The following RANBP17 variants were observed in gnomAD, a reference collection of about 807,000 sequenced individuals.
RANBP17 encodes ran-binding protein 17.
RANBP17 carries 158 observed loss-of-function variants against 141.2 expected under a neutral mutation model. That is an observed-to-expected ratio of 1.12 (90% CI 0.98 to 1.28). The LOEUF (loss-of-function observed/expected upper bound fraction) is 1.28, where lower values mean the gene tolerates loss of function less well. Among genes scored for constraint, RANBP17 ranks in the 50% most tolerant of loss-of-function variants. RANBP17 has a pLI of 0.00. For missense variants in RANBP17, 1,438 were observed against 1,290.7 expected, an observed-to-expected ratio of 1.11 and a Z score of -1.75; for synonymous variants, 430 against 450.0, an observed-to-expected ratio of 0.96 and a Z score of 0.56.
intron 3 of RANBP17, among the ~76,000 whole-genome samples, 163 bp from the exon 4 acceptor site, chr5:170,892,224 G>A (rs1042979909): frequency 1.3e-5 from 2 of 148,158 alleles, no homozygotes; most frequent in Non-Finnish European, 3.0e-5. Flanking sequence ...GTGTTTTGCT[G>A]TACCTATCAA....
intron 2 of RANBP17, 148 bp from the exon 3 acceptor site, chr5:170,881,658 T>G (rs1768702812): frequency 1.9e-6 from 1 of 525,660 alleles, no homozygotes; most frequent in Admixed American, 3.5e-5. Flanking sequence ...TGTATGTATG[T>G]ATCTCAAGTT....
intron 14 of RANBP17, among the ~76,000 whole-genome samples, chr5:171,083,161 G>C (rs1034148366): frequency 2.0e-5 from 3 of 152,178 alleles, no homozygotes; most frequent in African/African-American, 7.2e-5. Flanking sequence ...ATTGGTTACT[G>C]TCATGGACTG....
At chr5:170,956,253 T>C (rs567474360) in intron 13 of RANBP17, among the ~76,000 whole-genome samples, 12 of 152,054 alleles carry the variant, frequency 7.9e-5, no homozygotes, top group Non-Finnish European at 1.5e-4. Context: ...ATTTTTACCC[T>C]ATTAAAGACC....
chr5:170,980,140 A>G (rs1365950298), intron 14 of RANBP17, among the ~76,000 whole-genome samples: 2 of 152,180 alleles, frequency 1.3e-5, no homozygotes, highest in Non-Finnish European at 2.9e-5. Flanking sequence ...TTTGAACTTG[A>G]GGGAGATAAT....
intron 14 of RANBP17, among the ~76,000 whole-genome samples, chr5:171,131,971 G>A (rs1756952410): frequency 6.6e-6 from 1 of 152,094 alleles, no homozygotes; most frequent in African/African-American, 2.4e-5. Context: ...ATTATGTTTT[G>A]TCATTTATCT....
At chr5:171,134,019 C>G (rs1049079389) in intron 14 of RANBP17, among the ~76,000 whole-genome samples, 1 of 152,144 alleles carries the variant, frequency 6.6e-6, no homozygotes, top group African/African-American at 2.4e-5. Flanking sequence ...GTTAACCCTA[C>G]CTCAGTTAAT....
At chr5:170,931,040 G>A (rs1581171964) in intron 12 of RANBP17, among the ~76,000 whole-genome samples, 1 of 152,130 alleles carries the variant, frequency 6.6e-6, no homozygotes, top group South Asian at 2.1e-4. Flanking sequence ...GTGTAAAAGC[G>A]TTCCTATTTC....
chr5:171,204,617 T>C (rs1762469785), intron 19 of RANBP17, among the ~76,000 whole-genome samples: 1 of 152,208 alleles, frequency 6.6e-6, no homozygotes, highest in Non-Finnish European at 1.5e-5. Context: ...ATTTGTGCTC[T>C]TTGTTCCGAC....
chr5:171,198,133 A>T (rs1333042355), intron 18 of RANBP17, among the ~76,000 whole-genome samples: 5 of 152,224 alleles, frequency 3.3e-5, no homozygotes, highest in Non-Finnish European at 7.3e-5. Flanking sequence ...ATTGGGAAAG[A>T]TATTATTTCA....
intron 14 of RANBP17, among the ~76,000 whole-genome samples, chr5:171,110,207 C>T (rs1339272169): frequency 6.6e-6 from 1 of 151,800 alleles, no homozygotes; most frequent in Non-Finnish European, 1.5e-5. Context: ...TGACATTGGA[C>T]AAATATTTAT....
chr5:171,179,360 G>T (rs1263309401), intron 16 of RANBP17, among the ~76,000 whole-genome samples: 2 of 151,988 alleles, frequency 1.3e-5, no homozygotes, highest in African/African-American at 4.8e-5. Flanking sequence ...GTCTGTTTGT[G>T]TGTGTGTATA....
intron 25 of RANBP17, among the ~76,000 whole-genome samples, chr5:171,284,080 T>C (rs1261728879): frequency 4.6e-5 from 7 of 152,232 alleles, no homozygotes; most frequent in Admixed American, 3.3e-4. Flanking sequence ...GCTCCCTTCC[T>C]TGCTTTTGAA....
chr5:170,868,095 A>G (rs1440275699), intron 1 of RANBP17, among the ~76,000 whole-genome samples: 1 of 152,208 alleles, frequency 6.6e-6, no homozygotes, highest in Non-Finnish European at 1.5e-5. Context: ...TTTACTTGCT[A>G]TATAAAAATA....
At chr5:171,001,917 C>T (rs762035325) in intron 14 of RANBP17, among the ~76,000 whole-genome samples, 5 of 152,044 alleles carry the variant, frequency 3.3e-5, no homozygotes, top group Non-Finnish European at 7.4e-5. Flanking sequence ...AAGCATCTAC[C>T]GAGACCAAGA....
intron 14 of RANBP17, among the ~76,000 whole-genome samples, chr5:171,000,461 G>T (rs563974733): frequency 2.0e-5 from 3 of 152,278 alleles, no homozygotes; most frequent in Non-Finnish European, 4.4e-5. Flanking sequence ...CAAAAAAAAT[G>T]ATGTAGCTAT....
intron 1 of RANBP17, among the ~76,000 whole-genome samples, chr5:170,875,956 G>C (rs1768143061): frequency 6.6e-6 from 1 of 152,182 alleles, no homozygotes; most frequent in African/African-American, 2.4e-5. Context: ...TGATGCTGCT[G>C]TTGTTGCTTT....
chr5:170,995,583 G>A (rs6892220), intron 14 of RANBP17, among the ~76,000 whole-genome samples: 114,977 of 151,946 alleles, frequency 0.76, 43,700 homozygotes, highest in South Asian at 0.91. Context: ...AGTGATATTT[G>A]ATAGAGTCGA....
chr5:171,147,336 GT>G (rs1758101652), intron 14 of RANBP17, among the ~76,000 whole-genome samples: 1 of 48,786 alleles, frequency 2.0e-5, no homozygotes, highest in Non-Finnish European at 4.8e-5. Context: ...TTTCTTGGTT[GT>G]TTTGTGTGTG....
chr5:171,006,343 A>G (rs1779605344), intron 14 of RANBP17, among the ~76,000 whole-genome samples: 1 of 152,182 alleles, frequency 6.6e-6, no homozygotes, highest in African/African-American at 2.4e-5. Flanking sequence ...CTTGGAACCA[A>G]GCCAAATGTC....
Sources: allele counts gnomAD v4.1 joint callset (sites outside exome capture counted in the v4.1 genomes callset), GRCh38; gene constraint gnomAD v4.1.1; transcripts MANE v1.5; gene names NCBI Gene and HGNC (gene_info 2026-07-23, HGNC 2026-07-21).